Variants in DLGAP1 observed in about 807,000 individuals in gnomAD.
DLGAP1 encodes disks large-associated protein 1.
In DLGAP1, 11 loss-of-function variants were observed where a neutral mutation model predicts 90.8. The ratio of observed to expected loss-of-function variants is 0.12; its 90% CI spans 0.08 to 0.20. The LOEUF (loss-of-function observed/expected upper bound fraction) is 0.20. Ranked by LOEUF, DLGAP1 falls within the 10% of genes least tolerant of loss-of-function variation. The probability of loss-of-function intolerance (pLI) is 1.00; values close to 1 mark genes in which losing one functional copy is unlikely to be tolerated. For missense variants in DLGAP1, 1,050 were observed against 1,333.8 expected (o/e 0.79, Z 3.31); for synonymous variants, 558 against 540.7 (o/e 1.03, Z -0.44).
chr18:4,449,095 C>G (rs1013484143), intron 1 of DLGAP1, among the ~76,000 whole-genome samples: 1 of 152,036 alleles, frequency 6.6e-6, no homozygotes, highest in Non-Finnish European at 1.5e-5. Flanking sequence ...GTTATAATTA[C>G]GTATCAGACT....
At position 3,617,535 on chromosome 18, in the gene DLGAP1, G is replaced by A. The variant is rs528465790; in HGVS notation, c.1592-35287C>T. Among the ~76,000 whole-genome samples the A allele has an allele frequency of 1.5e-3, 227 of 149,368 alleles. 1 individual carries two copies. The highest frequency in any genetic ancestry group is 5.3e-3 in the African/African-American group (216 of 40,544). On this transcript the variant is annotated intron_variant, in intron 7 of 12. Transcript: ENST00000315677. ...GAATCCGGGAGGTGGAGGTTGCAGT[G>A]AGCTGAGATCCCACCATTGCACTTC...
intron 1 of DLGAP1, among the ~76,000 whole-genome samples, chr18:4,166,651 T>A (rs1394922106): frequency 6.6e-6 from 1 of 152,232 alleles, no homozygotes; most frequent in African/African-American, 2.4e-5. Flanking sequence ...AGAAACACCA[T>A]CCACGTGTTC....
chr18:3,887,080 A>G (rs2071336390), intron 3 of DLGAP1, among the ~76,000 whole-genome samples: 1 of 152,216 alleles, frequency 6.6e-6, no homozygotes, highest in Non-Finnish European at 1.5e-5. Context: ...TTGTTTCCTT[A>G]TCTTATCAAG....
chr18:3,735,990 G>GCA (rs147603853), intron 6 of DLGAP1, among the ~76,000 whole-genome samples: 92 of 151,110 alleles, frequency 6.1e-4, no homozygotes, highest in African/African-American at 1.3e-3. Flanking sequence ...CATGCCACAT[G>GCA]CACACACACA....
chr18:4,241,762 A>T (rs956535892), intron 1 of DLGAP1, among the ~76,000 whole-genome samples: 1 of 152,268 alleles, frequency 6.6e-6, no homozygotes, highest in African/African-American at 2.4e-5. Context: ...ATTCCTACAC[A>T]TTGGTGTTGT....
rs1195333440 is a variant in DLGAP1 at position 3,581,114 on chromosome 18, C to T, written c.1965+761G>A. ...CGGCTGTGCTCTTCTGGGAGGTTCC[C>T]GCTTGCTGCCTTCAGCCAGGGCGCT... On this transcript the variant is annotated intron_variant, in intron 8 of 12. Transcript: ENST00000315677. 2.6e-5 allele frequency among the ~76,000 whole-genome samples: 4 copies of T among 152,156 alleles called. No homozygotes were observed. The East Asian group carries it at 5.8e-4, about 22-fold the overall frequency.
At chr18:3,947,583 C>T (rs1022930043) in intron 3 of DLGAP1, among the ~76,000 whole-genome samples, 6 of 152,198 alleles carry the variant, frequency 3.9e-5, no homozygotes, top group African/African-American at 1.4e-4. Context: ...AAAGGAAATG[C>T]TCAGTGACTT....
At chr18:4,234,106 T>TG (rs938016877) in intron 1 of DLGAP1, among the ~76,000 whole-genome samples, 93 of 150,948 alleles carry the variant, frequency 6.2e-4, no homozygotes, top group African/African-American at 2.1e-3. Flanking sequence ...TTTTGCTATT[T>TG]TTTTTTTTTT....
intron 3 of DLGAP1, among the ~76,000 whole-genome samples, chr18:3,906,660 T>C (rs1247351334): frequency 1.3e-5 from 2 of 152,186 alleles, no homozygotes; most frequent in African/African-American, 2.4e-5. Context: ...TGTGTAAAGG[T>C]TGGATAGACA....
chr18:3,739,727 G>A (rs1006171661), intron 6 of DLGAP1, among the ~76,000 whole-genome samples: 5 of 152,066 alleles, frequency 3.3e-5, no homozygotes, highest in African/African-American at 1.2e-4. Context: ...GTATACATAT[G>A]TAACTAACCT....
chr18:3,641,016 A>G (rs1042300286), intron 7 of DLGAP1, among the ~76,000 whole-genome samples: 7 of 152,212 alleles, frequency 4.6e-5, no homozygotes, highest in Admixed American at 3.3e-4. Flanking sequence ...AGCAGTCAGA[A>G]TCTAGAACTA....
At chr18:3,528,147 G>A (rs2144351133) in intron 10 of DLGAP1, among the ~76,000 whole-genome samples, 1 of 152,250 alleles carries the variant, frequency 6.6e-6, no homozygotes, top group South Asian at 2.1e-4. Context: ...ACGTTTGTCA[G>A]GCACCCTGAA....
rs563321021 is a variant in DLGAP1 at position 3,798,866 on chromosome 18, C to CT, written c.1172+15192dup. On this transcript the variant is annotated intron_variant, in intron 5 of 12. Coordinates refer to ENST00000315677, the MANE Select transcript of DLGAP1 (RefSeq NM_004746.4). ...GATCTCACTTAATGGCCTCAATAGA[C>CT]TTTTTTTTTTCTTTCTTTCTCTTTT... Among the ~76,000 whole-genome samples the CT allele has an allele frequency of 1.1e-3, 159 of 149,748 alleles. 1 individual carries two copies. In the East Asian group the frequency reaches 0.017, roughly 16 times the overall value.
In DLGAP1 at chr18:3,590,034, C is replaced by A. The variant is rs529341789; in HGVS notation, c.1592-7786G>T. On this transcript the variant is annotated intron_variant, in intron 7 of 12. Coordinates refer to ENST00000315677, the MANE Select transcript of DLGAP1 (RefSeq NM_004746.4). ...CAAGCAATTCTCCTGCTTCAGCCTC[C>A]TGAGTAGCTGGGATTACAGGCATGT... Among the ~76,000 whole-genome samples, 17 of 152,296 alleles carry A rather than the reference C, an allele frequency of 1.1e-4. No individual in the cohort carries two copies. In the East Asian group the frequency reaches 3.3e-3, roughly 29 times the overall value.
chr18:4,387,927 A>T (rs1180419534), intron 1 of DLGAP1, among the ~76,000 whole-genome samples: 482 of 15,870 alleles, frequency 0.03, 8 homozygotes, highest in Middle Eastern at 0.083. Context: ...ACTCCATCAC[A>T]CATACACACA....
intron 2 of DLGAP1, among the ~76,000 whole-genome samples, chr18:4,070,338 T>G (rs1271371432): frequency 1.3e-5 from 2 of 152,104 alleles, no homozygotes; most frequent in Non-Finnish European, 2.9e-5. Context: ...TAGAGTTTTT[T>G]GGTACCTCCA....
chr18:4,039,019 C>T (rs972471804), intron 2 of DLGAP1, among the ~76,000 whole-genome samples: 3 of 152,126 alleles, frequency 2.0e-5, no homozygotes, highest in East Asian at 1.9e-4. Flanking sequence ...CAGAGGAAAA[C>T]GGCAGCACGA....
chr18:3,509,345 G>C (rs2050409788), intron 10 of DLGAP1, among the ~76,000 whole-genome samples: 1 of 152,174 alleles, frequency 6.6e-6, no homozygotes, highest in Non-Finnish European at 1.5e-5. Flanking sequence ...GAATTCCCTA[G>C]GCACTGTGCT....
At chr18:3,685,022 G>A (rs772747705) in intron 7 of DLGAP1, among the ~76,000 whole-genome samples, 3 of 152,126 alleles carry the variant, frequency 2.0e-5, no homozygotes, top group South Asian at 4.1e-4. Flanking sequence ...TTTATAAAGC[G>A]CTAATTTTCC....
Sources: allele counts gnomAD v4.1 joint callset (sites outside exome capture counted in the v4.1 genomes callset), GRCh38; gene constraint gnomAD v4.1.1; transcripts MANE v1.5; gene names NCBI Gene and HGNC (gene_info 2026-07-23, HGNC 2026-07-21).